The following CLPX variants were observed in gnomAD, a reference collection of about 807,000 sequenced individuals.
CLPX encodes caseinolytic mitochondrial matrix peptidase chaperone subunit X, also known as ATP-dependent clpX-like chaperone, mitochondrial.
In CLPX, 34 loss-of-function variants were observed where a neutral mutation model predicts 76.4. The observed-to-expected ratio is 0.45, with a 90% CI of 0.34 to 0.59. The LOEUF (loss-of-function observed/expected upper bound fraction) is 0.59, where lower values mean the gene tolerates loss of function less well. CLPX is among the 20% of genes least tolerant of loss of function. CLPX has a pLI of 0.01. For missense variants in CLPX, 613 were observed against 757.0 expected (o/e 0.81, Z 2.23); for synonymous variants, 248 against 270.9 (o/e 0.92, Z 0.83).
chr15:65,175,214 G>A (rs1015357639), intron 3 of CLPX, among the ~76,000 whole-genome samples: 9 of 152,216 alleles, frequency 5.9e-5, no homozygotes, highest in African/African-American at 2.2e-4. Flanking sequence ...GGCCAGGCAT[G>A]GTGGCTCACA....
rs532188430 is a variant in CLPX at position 65,167,349 on chromosome 15, C to T, written c.359-564G>A. On this transcript the variant is annotated intron_variant, in intron 3 of 13. Coordinates refer to ENST00000300107, the MANE Select transcript of CLPX (RefSeq NM_006660.5). The stretch of plus-strand genomic sequence containing the variant: ...CTCCCAAAGTGCTGGGATTTACAGG[C>T]GTGAGCCACCGCACCCGGCCCACTA... 4.6e-5 allele frequency among the ~76,000 whole-genome samples: 7 copies of T among 152,144 alleles called. No individual in the cohort carries two copies. The South Asian group carries it at 1.2e-3, about 27-fold the overall frequency.
intron 4 of CLPX, among the ~76,000 whole-genome samples, chr15:65,164,757 TA>T (rs1410113654): frequency 6.6e-6 from 1 of 151,982 alleles, no homozygotes; most frequent in Admixed American, 6.5e-5. Context: ...ACTGTATTCT[TA>T]TTTTTTTTTA....
In CLPX at chr15:65,166,733, T is replaced by C. The variant is rs1401718257; in HGVS notation, c.411A>G (p.Leu137=). The C allele has an allele frequency of 1.2e-6, 2 of 1,613,968 alleles. No individual in the cohort carries two copies. Among genetic ancestry groups the C allele is most frequent in the Non-Finnish European group, 1.7e-6 (2 of 1,179,936 alleles). Residue 137 remains leucine, a synonymous_variant, in exon 4 of 14, where the codon CTA becomes CTG. Transcript: ENST00000300107. ...TGCTTTTCTTTGAGTCTGCTTCAGA[T>C]AGCACAACAAAAAAATGATGACACT... ...CEKCHHFFVV[L]SEADSKKSII...
At position 65,185,036 on chromosome 15, in the gene CLPX, C is replaced by T. The variant is rs527282640; in HGVS notation, c.79+39G>A. On this transcript the variant is annotated intron_variant, in intron 1 of 13. Transcript: ENST00000300107. ...ACCATTGGCCAGTCCACCCCCCCCC[C>T]GACAGGCTGAGGGCTCAGGAGTGGC... 29 of 1,510,862 alleles carry T rather than the reference C, an allele frequency of 1.9e-5. No homozygotes were observed. In the South Asian group the frequency reaches 2.6e-4, roughly 14 times the overall value. The allele number at this position is 1,510,862 out of a possible 1,614,324, so 93.6% of individuals were successfully genotyped here.
intron 1 of CLPX, among the ~76,000 whole-genome samples, chr15:65,184,141 T>A (rs1023562103): frequency 1.3e-5 from 2 of 152,180 alleles, no homozygotes; most frequent in African/African-American, 2.4e-5. Flanking sequence ...GGGGCCTTTT[T>A]AAAAATCCAT....
chr15:65,162,269 A>C (rs900978390), intron 6 of CLPX, among the ~76,000 whole-genome samples: 11 of 152,282 alleles, frequency 7.2e-5, no homozygotes, highest in Non-Finnish European at 1.0e-4. Flanking sequence ...TACAAAAAAA[A>C]CCAAAAAACA....
chr15:65,185,105 T>G lies in CLPX; in HGVS notation c.49A>C (p.Ile17Leu). Residue 17 changes from isoleucine to leucine, a missense_variant, in exon 1 of 14, where the codon ATC becomes CTC. By Grantham distance (5) the Ile-to-Leu change is conservative. Coordinates refer to ENST00000300107, the MANE Select transcript of CLPX (RefSeq NM_006660.5). The stretch of plus-strand genomic sequence containing the variant: ...TGCGCGGAGGCGAGTGAGGAGGTGA[T>G]GAGCCGGACGGCCGCCGCGCCGCAA... ...CTCGAAAVRL[I>L]TSSLASAQRG... 1 of 1,584,094 alleles carries G rather than the reference T, an allele frequency of 6.3e-7. No individual in the cohort carries two copies. Among genetic ancestry groups the G allele is most frequent in the Non-Finnish European group, 8.6e-7 (1 of 1,166,592 alleles).
intron 2 of CLPX, 122 bp from the exon 3 acceptor site, chr15:65,179,173 T>C (rs2088130233): frequency 3.6e-6 from 2 of 552,908 alleles, no homozygotes; most frequent in South Asian, 5.0e-5. Flanking sequence ...AGGATGAAAT[T>C]ATTAGTATAT....
chr15:65,181,268 T>A (rs913686398), intron 1 of CLPX, among the ~76,000 whole-genome samples: 1 of 151,860 alleles, frequency 6.6e-6, no homozygotes, highest in African/African-American at 2.4e-5. Flanking sequence ...GGCAAAATCA[T>A]AGAGTCAGTG....
In CLPX at chr15:65,180,051, C is replaced by G. The variant is rs375470505; in HGVS notation, c.233G>C (p.Gly78Ala). ...ATAAGATAAAATAATTACCTTATTT[C>G]CATCTCCAGAACCATCTTTACTTAT... ...DGISKDGSGD[G>A]NKKSASEGSS... The change falls in exon 2 of 14, where the codon GGA (glycine) becomes GCA (alanine). Residue 78 changes from glycine to alanine, a missense_variant. Around this residue, in one of 2 missense-constraint regions of CLPX, gnomAD observed 163 missense variants for 118.4 expected, o/e 1.38. Transcript: ENST00000300107. The G allele has an allele frequency of 3.8e-6, 6 of 1,597,710 alleles. No individual in the cohort carries two copies. Among genetic ancestry groups the G allele is most frequent in the Non-Finnish European group, 3.4e-6 (4 of 1,171,922 alleles).
At chr15:65,163,592 T>C (rs934165106) in intron 5 of CLPX, among the ~76,000 whole-genome samples, 6 of 152,206 alleles carry the variant, frequency 3.9e-5, no homozygotes, top group African/African-American at 1.4e-4. Context: ...TTGTCCATAG[T>C]AAATTGAGAT....
Position 65,158,871 on chromosome 15 carries a change from TTC to T in CLPX, c.716-122_716-121del, listed in dbSNP as rs529437729. The T allele has an allele frequency of 1.5e-5, 12 of 802,036 alleles. No homozygotes were observed. The South Asian group carries it at 1.9e-4, about 13-fold the overall frequency. The allele number at this position is 802,036 out of a possible 1,614,324, so 49.7% of individuals were successfully genotyped here. Reference sequence around the variant, plus strand: ...ATAGAAAAATTTAAGTATTTTGACATTCTGTCTTACCTACAAAGGAGAAAAAT... The same window carrying T: ...ATAGAAAAATTTAAGTATTTTGACATTGTCTTACCTACAAAGGAGAAAAAT... On this transcript the variant is annotated intron_variant, in intron 6 of 13. Transcript: ENST00000300107.
chr15:65,152,952 T>C (rs186968919), intron 12 of CLPX, among the ~76,000 whole-genome samples: 9 of 151,618 alleles, frequency 5.9e-5, no homozygotes, highest in Non-Finnish European at 1.2e-4. Context: ...GGGTGTATGT[T>C]GCCCAGGCTG....
intron 1 of CLPX, among the ~76,000 whole-genome samples, chr15:65,183,236 A>G (rs1462589606): frequency 3.3e-5 from 5 of 151,634 alleles, no homozygotes; most frequent in Non-Finnish European, 7.4e-5. Context: ...GCCGAGGCGG[A>G]CGGATCACAA....
intron 3 of CLPX, among the ~76,000 whole-genome samples, chr15:65,173,019 A>C (rs889436591): frequency 8.5e-5 from 13 of 152,178 alleles, no homozygotes; most frequent in Non-Finnish European, 1.8e-4. Context: ...TGTTTCTAAA[A>C]ACAAAATAAA....
intron 4 of CLPX, 111 bp downstream of exon 4, chr15:65,166,520 T>C (rs1297435596): frequency 2.6e-6 from 3 of 1,146,148 alleles, no homozygotes; most frequent in Non-Finnish European, 3.9e-6. Context: ...ATTATGAACC[T>C]ATAATACTTG....
Position 65,155,698 on chromosome 15 carries a change from A to G in CLPX, c.1305T>C (p.Asn435=), listed in dbSNP as rs765298278. ...GLDRIISRRK[N]EKYLGFGTPS... ...ACCCCTCAGAAAAACTTACCTTTTC[A>G]TTTTTCCTCCTGCTGATGATTCTGT... The change falls in exon 10 of 14, where the codon AAT becomes AAC. Residue 435 remains asparagine, a synonymous_variant. Coordinates refer to ENST00000300107, the MANE Select transcript of CLPX (RefSeq NM_006660.5). 2 of 1,610,750 alleles carry G rather than the reference A, an allele frequency of 1.2e-6. No homozygotes were observed. Among genetic ancestry groups the G allele is most frequent in the Non-Finnish European group, 8.5e-7 (1 of 1,178,406 alleles).
chr15:65,160,592 T>TTCTCTCTCTCTC (rs1226717522), intron 6 of CLPX, among the ~76,000 whole-genome samples: 25 of 118,518 alleles, frequency 2.1e-4, no homozygotes, highest in African/African-American at 7.6e-4. Flanking sequence ...CATTCACTCA[T>TTCTCTCTCTCTC]TCTCTCTCTC....
chr15:65,178,908 A>G (rs748978806), intron 3 of CLPX, 26 bp downstream of exon 3: 5 of 1,233,098 alleles, frequency 4.1e-6, no homozygotes, highest in South Asian at 1.4e-5. Context: ...TAGGGAAAAA[A>G]GAACAGTAGA....
Sources: allele counts gnomAD v4.1 joint callset (sites outside exome capture counted in the v4.1 genomes callset), GRCh38; gene constraint gnomAD v4.1.1; regional missense constraint gnomAD v4.1.1; transcripts MANE v1.5; gene names NCBI Gene and HGNC (gene_info 2026-07-23, HGNC 2026-07-21).